Variants in UHRF2 observed in about 807,000 individuals in gnomAD.
UHRF2 encodes ubiquitin like with PHD and ring finger domains 2, also known as E3 ubiquitin-protein ligase UHRF2.
In UHRF2, 23 loss-of-function variants were observed where a neutral mutation model predicts 96.8. The ratio of observed to expected loss-of-function variants is 0.24; its 90% CI spans 0.17 to 0.34. UHRF2 has a LOEUF of 0.34. Among genes scored for constraint, UHRF2 ranks in the 10% least tolerant of loss-of-function variants. The pLI, the probability that UHRF2 is intolerant of heterozygous loss-of-function variation, is 1.00. For missense variants in UHRF2, 685 were observed against 981.5 expected (o/e 0.70, Z 4.04); for synonymous variants, 385 against 332.6 (o/e 1.16, Z -1.72).
At chr9:6,454,134 A>G (rs749999664) in intron 3 of UHRF2, among the ~76,000 whole-genome samples, 2 of 152,246 alleles carry the variant, frequency 1.3e-5, no homozygotes, top group Non-Finnish European at 2.9e-5. Context: ...TTTACGGGTT[A>G]GGAATATAGT....
intron 4 of UHRF2, among the ~76,000 whole-genome samples, chr9:6,474,956 A>T (rs947393786): frequency 2.0e-5 from 3 of 152,210 alleles, no homozygotes; most frequent in Non-Finnish European, 2.9e-5. Context: ...TTTTCACAAA[A>T]GTATATAAAA....
intron 3 of UHRF2, among the ~76,000 whole-genome samples, chr9:6,447,762 G>A (rs1456112777): frequency 6.6e-6 from 1 of 152,030 alleles, no homozygotes; most frequent in Non-Finnish European, 1.5e-5. Context: ...ATTTTGGAAG[G>A]CACAACACTA....
At chr9:6,425,445 C>T (rs1353527201) in intron 2 of UHRF2, among the ~76,000 whole-genome samples, 1 of 152,090 alleles carries the variant, frequency 6.6e-6, no homozygotes, top group Admixed American at 6.6e-5. Context: ...CCAAGGTTCC[C>T]TGTTTCCTTT....
chr9:6,499,041 C>G (rs977394641), intron 12 of UHRF2: 17 of 152,130 alleles, frequency 1.1e-4, no homozygotes, highest in African/African-American at 4.1e-4. Flanking sequence ...TAAAATAATT[C>G]TTTTTAATAT....
Position 6,486,935 on chromosome 9 carries a change from T to C in UHRF2, c.1497+10T>C. On this transcript the variant is annotated intron_variant, in intron 9 of 15. Coordinates refer to ENST00000276893, the MANE Select transcript of UHRF2 (RefSeq NM_152896.3). ...ATTTGCGGATGAAGTCGTAAGTCAT[T>C]ATACAACCTTACTCATTAGTACCTG... is the stretch of plus-strand genomic sequence containing the variant. 1 of 1,613,128 alleles carries C rather than the reference T, an allele frequency of 6.2e-7. No individual in the cohort carries two copies. Among genetic ancestry groups the C allele is most frequent in the Non-Finnish European group, 8.5e-7 (1 of 1,179,302 alleles).
intron 8 of UHRF2, among the ~76,000 whole-genome samples, chr9:6,485,140 CTG>C (rs1415670262): frequency 4.6e-5 from 7 of 152,016 alleles, no homozygotes; most frequent in Non-Finnish European, 1.0e-4. Context: ...TTAATACTCT[CTG>C]TGTTCTCTTA....
At chr9:6,423,371 A>G (rs1260540849) in intron 2 of UHRF2, among the ~76,000 whole-genome samples, 1 of 152,204 alleles carries the variant, frequency 6.6e-6, no homozygotes, top group Non-Finnish European at 1.5e-5. Context: ...CAAAAAGCAC[A>G]TCAGCTTCAC....
chr9:6,413,732 C>G lies in UHRF2; in HGVS notation c.153+89C>G, dbSNP rs560520799. 15 of 1,325,546 alleles carry G rather than the reference C, an allele frequency of 1.1e-5. No individual in the cohort carries two copies. In the South Asian group the frequency reaches 2.4e-4, roughly 21 times the overall value. The allele number at this position is 1,325,546 out of a possible 1,614,324, so 82.1% of individuals were successfully genotyped here. The stretch of plus-strand genomic sequence containing the variant: ...GCACCGGTCCGAGGGCTCTGTGCGC[C>G]GCGCGCGCAGGGCTCACCTGGCTCC... On this transcript the variant is annotated intron_variant, in intron 1 of 15. Transcript: ENST00000276893.
In UHRF2 at chr9:6,467,128, A is replaced by G. The variant is rs575110369; in HGVS notation, c.863+6337A>G. Among the ~76,000 whole-genome samples the G allele has an allele frequency of 2.0e-5, 3 of 152,342 alleles. No homozygotes were observed. In the East Asian group the frequency reaches 5.8e-4, roughly 29 times the overall value. ...TGGATTTGAATTTCACTAGGCAAAAATCATTGTTAGCAGGGATATGATTCA... is the reference window on the plus strand; with the variant it reads ...TGGATTTGAATTTCACTAGGCAAAAGTCATTGTTAGCAGGGATATGATTCA... On this transcript the variant is annotated intron_variant, in intron 4 of 15. Transcript: ENST00000276893.
At position 6,483,392 on chromosome 9, in the gene UHRF2, C is replaced by A. The variant is rs1824048686; in HGVS notation, c.1392+1293C>A. On this transcript the variant is annotated intron_variant, in intron 8 of 15. Coordinates refer to ENST00000276893, the MANE Select transcript of UHRF2 (RefSeq NM_152896.3). ...GTATTTTCATATAACCTATGCACAT[C>A]CTCCTTTATATGTTAAATCACCTCT... 1.3e-5 allele frequency among the ~76,000 whole-genome samples: 2 copies of A among 151,444 alleles called. 1 individual carries two copies. The highest frequency in any genetic ancestry group is 4.2e-4 in the South Asian group (2 of 4,784).
At chr9:6,488,561 T>A (rs1208314991) in intron 9 of UHRF2, among the ~76,000 whole-genome samples, 2 of 144,678 alleles carry the variant, frequency 1.4e-5, no homozygotes, top group African/African-American at 5.2e-5. Context: ...TTTTTTTTTT[T>A]TTTGAGATGG....
In UHRF2 at chr9:6,486,943, C is replaced by T. The variant is rs542503984; in HGVS notation, c.1497+18C>T. ...ATGAAGTCGTAAGTCATTATACAAC[C>T]TTACTCATTAGTACCTGCCTTGACC... On this transcript the variant is annotated intron_variant, in intron 9 of 15. Coordinates refer to ENST00000276893, the MANE Select transcript of UHRF2 (RefSeq NM_152896.3). 9 of 1,610,618 alleles carry T rather than the reference C, an allele frequency of 5.6e-6. No individual in the cohort carries two copies. The East Asian group carries it at 2.0e-4, about 36-fold the overall frequency.
intron 4 of UHRF2, 30 bp downstream of exon 4, chr9:6,460,821 T>G: frequency 1.3e-6 from 2 of 1,572,936 alleles, no homozygotes; most frequent in Non-Finnish European, 1.7e-6. Context: ...TGCCATTTAA[T>G]TAACTGAATT....
intron 3 of UHRF2, among the ~76,000 whole-genome samples, chr9:6,458,142 C>CT (rs1187771771): frequency 6.6e-6 from 1 of 152,008 alleles, no homozygotes; most frequent in Non-Finnish European, 1.5e-5. Flanking sequence ...TAGTCCTAGG[C>CT]TTTTTTTGGT....
At chr9:6,458,233 G>A (rs1822304014) in intron 3 of UHRF2, among the ~76,000 whole-genome samples, 1 of 152,086 alleles carries the variant, frequency 6.6e-6, no homozygotes, top group African/African-American at 2.4e-5. Flanking sequence ...TTCGTCTTGG[G>A]AGGGTGTATG....
intron 4 of UHRF2, among the ~76,000 whole-genome samples, chr9:6,461,935 A>G (rs1822567375): frequency 6.6e-6 from 1 of 152,112 alleles, no homozygotes; most frequent in Non-Finnish European, 1.5e-5. Flanking sequence ...TTTAGAATAA[A>G]TTGTTAGATT....
chr9:6,434,476 G>A (rs1024606073), intron 3 of UHRF2: 4 of 228,946 alleles, frequency 1.7e-5, no homozygotes, highest in South Asian at 1.6e-4. Context: ...TCTCTCTGTC[G>A]CCCAAGTTGG....
At chr9:6,465,719 T>C (rs1355023297) in intron 4 of UHRF2, among the ~76,000 whole-genome samples, 14 of 152,220 alleles carry the variant, frequency 9.2e-5, no homozygotes, top group African/African-American at 2.9e-4. Flanking sequence ...AACCTTCAGC[T>C]TTGATCCTCT....
At chr9:6,476,076 C>G (rs530720673) in intron 5 of UHRF2, among the ~76,000 whole-genome samples, 1 of 152,188 alleles carries the variant, frequency 6.6e-6, no homozygotes, top group East Asian at 1.9e-4. Flanking sequence ...TCATTCTATT[C>G]TCCACCTGCA....
Sources: gnomAD v4.1 joint callset for allele counts (sites outside exome capture counted in the v4.1 genomes callset) on GRCh38, gnomAD v4.1.1 for gene constraint, MANE v1.5 for transcripts, NCBI Gene and HGNC (gene_info 2026-07-23, HGNC 2026-07-21) for gene names.